ITGB3BP: variants seen among roughly 807,000 people sequenced by gnomAD.
ITGB3BP encodes integrin subunit beta 3 binding protein.
Under a neutral mutation model 29.1 loss-of-function variants are expected in ITGB3BP, and 27 were observed. The observed-to-expected ratio is 0.93, with a 90% CI of 0.68 to 1.28. The LOEUF is 1.28. Ranked by LOEUF, ITGB3BP falls within the 50% of genes most tolerant of loss-of-function variation. The probability of loss-of-function intolerance (pLI) is 0.00; values close to 1 mark genes in which losing one functional copy is unlikely to be tolerated. For synonymous variants in ITGB3BP, 61 were observed against 61.4 expected (o/e 0.99, Z 0.03); for missense variants, 192 against 200.2 (o/e 0.96, Z 0.25).
At chr1:63,519,463 G>A (rs879289557) in intron 1 of ITGB3BP, among the ~76,000 whole-genome samples, 17 of 152,042 alleles carry the variant, frequency 1.1e-4, no homozygotes, top group Admixed American at 7.9e-4. Flanking sequence ...GAGCCACCAC[G>A]CTCAGCCAAA....
intron 3 of ITGB3BP, among the ~76,000 whole-genome samples, chr1:63,486,283 T>A (rs746767576): frequency 3.3e-5 from 5 of 151,906 alleles, no homozygotes; most frequent in Admixed American, 6.6e-5. Flanking sequence ...GGGGAAAAAT[T>A]TTCTCTTTCT....
chr1:63,486,825 T>C (rs1645540086), intron 3 of ITGB3BP, among the ~76,000 whole-genome samples: 2 of 152,012 alleles, frequency 1.3e-5, no homozygotes, highest in African/African-American at 2.4e-5. Context: ...TTTACTGCAA[T>C]ACACAATTTA....
At chr1:63,497,090 T>C (rs1645804831) in intron 2 of ITGB3BP, among the ~76,000 whole-genome samples, 1 of 152,144 alleles carries the variant, frequency 6.6e-6, no homozygotes, top group Admixed American at 6.5e-5. Context: ...TTAAATGAAA[T>C]GCCTGTACCC....
At chr1:63,465,600 G>C (rs1479281900) in intron 4 of ITGB3BP, among the ~76,000 whole-genome samples, 1 of 151,758 alleles carries the variant, frequency 6.6e-6, no homozygotes, top group Non-Finnish European at 1.5e-5. Flanking sequence ...TCCCTATGTT[G>C]CTCAGGCTTG....
intron 2 of ITGB3BP, among the ~76,000 whole-genome samples, chr1:63,498,044 C>CA (rs759302910): frequency 4.5e-4 from 69 of 151,712 alleles, no homozygotes; most frequent in Non-Finnish European, 9.4e-4. Flanking sequence ...AGGAGAGGCC[C>CA]AAAATACATA....
At chr1:63,471,937 A>G (rs1645204358) in intron 4 of ITGB3BP, among the ~76,000 whole-genome samples, 1 of 151,938 alleles carries the variant, frequency 6.6e-6, no homozygotes, top group Non-Finnish European at 1.5e-5. Context: ...GGTGCAAGCC[A>G]CCACGCCTGG....
chr1:63,450,491 A>G (rs1644847420), intron 7 of ITGB3BP, among the ~76,000 whole-genome samples: 1 of 151,976 alleles, frequency 6.6e-6, no homozygotes, highest in Non-Finnish European at 1.5e-5. Context: ...TGACTAAGGA[A>G]TATCTGTAAC....
chr1:63,479,293 T>C (rs1485573679), intron 3 of ITGB3BP, among the ~76,000 whole-genome samples: 3 of 152,166 alleles, frequency 2.0e-5, no homozygotes, highest in Non-Finnish European at 4.4e-5. Flanking sequence ...CATTGTAAAA[T>C]AAATTTGATT....
At chr1:63,451,897 ATAACATACT>A (rs1399822071) in intron 7 of ITGB3BP, 1 of 152,126 alleles carries the variant, frequency 6.6e-6, no homozygotes, top group Non-Finnish European at 1.5e-5. Context: ...ACAGTAGTAT[ATAACATACT>A]TATATAGATA....
chr1:63,463,788 GA>G (rs1000845443), intron 4 of ITGB3BP, among the ~76,000 whole-genome samples: 5 of 151,876 alleles, frequency 3.3e-5, no homozygotes, highest in African/African-American at 9.7e-5. Context: ...GTTTTGTGAA[GA>G]AAAAAACATT....
chr1:63,498,001 AG>A (rs1242913189), intron 2 of ITGB3BP, among the ~76,000 whole-genome samples: 3 of 152,246 alleles, frequency 2.0e-5, no homozygotes, highest in African/African-American at 7.2e-5. Context: ...AAACAAAAAA[AG>A]ATATACAATT....
chr1:63,483,056 G>A (rs1570224631), intron 3 of ITGB3BP, among the ~76,000 whole-genome samples: 1 of 152,086 alleles, frequency 6.6e-6, no homozygotes, highest in African/African-American at 2.4e-5. Context: ...TGAATAGAAG[G>A]TTATCGCTGA....
At chr1:63,525,639 C>G (rs769084440), upstream of ITGB3BP, 2 of 1,602,698 alleles carry the variant, frequency 1.2e-6, no homozygotes, top group Non-Finnish European at 8.5e-7. Context: ...AGAGAGTCCT[C>G]GAACAAAGAA....
chr1:63,444,513 T>G (rs995767481), intron 8 of ITGB3BP, among the ~76,000 whole-genome samples: 14 of 147,014 alleles, frequency 9.5e-5, no homozygotes, highest in Admixed American at 8.9e-4. Flanking sequence ...ATAGGATATA[T>G]ATGTATATAT....
intron 1 of ITGB3BP, among the ~76,000 whole-genome samples, chr1:63,512,579 A>G (rs936707167): frequency 3.9e-5 from 6 of 152,260 alleles, no homozygotes; most frequent in African/African-American, 1.4e-4. Flanking sequence ...AAACTTAGTA[A>G]AGCAGTTAAG....
chr1:63,465,817 ATT>A (rs1402251810), intron 4 of ITGB3BP, among the ~76,000 whole-genome samples: 4 of 152,280 alleles, frequency 2.6e-5, no homozygotes, highest in Non-Finnish European at 5.9e-5. Flanking sequence ...TGTAAAAATG[ATT>A]TGAGTCATGT....
chr1:63,506,137 G>T (rs1402578761), intron 2 of ITGB3BP, among the ~76,000 whole-genome samples: 1 of 152,110 alleles, frequency 6.6e-6, no homozygotes, highest in Non-Finnish European at 1.5e-5. Context: ...CATTTTTATT[G>T]TGTGGGAGTC....
At chr1:63,500,931 C>T (rs1406041410) in intron 2 of ITGB3BP, among the ~76,000 whole-genome samples, 3 of 152,094 alleles carry the variant, frequency 2.0e-5, no homozygotes, top group East Asian at 1.9e-4. Context: ...TAATGAAGAC[C>T]GCATGGTAGT....
At chr1:63,503,803 G>C (rs1204879240) in intron 2 of ITGB3BP, among the ~76,000 whole-genome samples, 1 of 152,136 alleles carries the variant, frequency 6.6e-6, no homozygotes, top group Non-Finnish European at 1.5e-5. Context: ...TGTCAGGTTT[G>C]TCAAAGATCA....
Sources: gnomAD v4.1 joint callset for allele counts (sites outside exome capture counted in the v4.1 genomes callset) on GRCh38, gnomAD v4.1.1 for gene constraint, MANE v1.5 for transcripts, NCBI Gene and HGNC (gene_info 2026-07-23, HGNC 2026-07-21) for gene names.